C5: variants seen among roughly 807,000 people sequenced by gnomAD.
C5 encodes C3 and PZP-like alpha-2-macroglobulin domain-containing protein 4.
A neutral mutation model predicts 218.8 loss-of-function variants in C5; 140 were observed. The observed-to-expected ratio is 0.64, with a 90% CI of 0.56 to 0.74. The LOEUF (loss-of-function observed/expected upper bound fraction) is 0.74. C5 is among the 30% of genes least tolerant of loss of function. C5 has a pLI of 0.00. For synonymous variants in C5, 614 were observed against 682.3 expected (o/e 0.90, Z 1.56); for missense variants, 1,700 against 1,969.6 (o/e 0.86, Z 2.59).
intron 33 of C5, among the ~76,000 whole-genome samples, chr9:120,965,141 T>A (rs1185336934): frequency 6.6e-6 from 1 of 152,110 alleles, no homozygotes; most frequent in Non-Finnish European, 1.5e-5. Context: ...CACCTACAGG[T>A]ATGAATGTTG....
Position 121,026,910 on chromosome 9 carries a change from G to A in C5, c.873+250C>T, listed in dbSNP as rs182879578. Among the ~76,000 whole-genome samples, 560 of 152,212 alleles carry A rather than the reference G, an allele frequency of 3.7e-3. 2 individuals are homozygous for A. The highest frequency in any genetic ancestry group is 6.5e-3 in the Non-Finnish European group (443 of 68,020). On this transcript the variant is annotated intron_variant, in intron 8 of 40. Coordinates refer to ENST00000223642, the MANE Select transcript of C5 (RefSeq NM_001735.3). ...AGACCTGGAGGCAAGAGAGACTTTG[G>A]TCAGTTAGAGAAATTGGAGTGATTA...
At chr9:120,973,518 T>C (rs565456937) in intron 30 of C5, among the ~76,000 whole-genome samples, 107 of 152,336 alleles carry the variant, frequency 7.0e-4, no homozygotes, top group Non-Finnish European at 1.0e-3. Flanking sequence ...GCCATGCCAA[T>C]GCCTGGTGCT....
At chr9:120,969,443 G>A (rs1376339252) in intron 32 of C5, among the ~76,000 whole-genome samples, 1 of 152,206 alleles carries the variant, frequency 6.6e-6, no homozygotes, top group Non-Finnish European at 1.5e-5. Context: ...TAATTTGCTG[G>A]TAGTTGGGAA....
chr9:120,968,065 T>G (rs572174388), intron 33 of C5, among the ~76,000 whole-genome samples: 2 of 152,092 alleles, frequency 1.3e-5, no homozygotes, highest in Non-Finnish European at 2.9e-5. Context: ...GTGGCTGTGG[T>G]AAGCAGAATA....
At chr9:121,056,019 G>T in the C5 span, among the ~76,000 whole-genome samples, 1 of 152,234 alleles carries the variant, frequency 6.6e-6, no homozygotes, top group Admixed American at 6.5e-5. Context: ...GTCTGTAAGA[G>T]TTTCAGTGTT....
chr9:121,003,857 T>C (rs2047192317), intron 20 of C5, among the ~76,000 whole-genome samples: 1 of 152,200 alleles, frequency 6.6e-6, no homozygotes. Context: ...AAAAATTTCA[T>C]TTATCTAATG....
chr9:121,070,417 A>ATTCTG, the C5 span, among the ~76,000 whole-genome samples: 1 of 128,548 alleles, frequency 7.8e-6, no homozygotes, highest in Non-Finnish European at 1.6e-5. Flanking sequence ...ATATATATAT[A>ATTCTG]TATATATATG....
chr9:121,054,420 T>G (rs1318890718), upstream of C5, among the ~76,000 whole-genome samples: 1 of 152,034 alleles, frequency 6.6e-6, no homozygotes, highest in Non-Finnish European at 1.5e-5. Flanking sequence ...GCCAATATGG[T>G]GAAACCTCAT....
At chr9:121,002,885 G>A (rs1431187768) in intron 20 of C5, among the ~76,000 whole-genome samples, 1 of 152,118 alleles carries the variant, frequency 6.6e-6, no homozygotes, top group Non-Finnish European at 1.5e-5. Flanking sequence ...AAATGAGGGA[G>A]GGCAATTCCA....
chr9:120,972,466 C>A (rs1046852108), intron 30 of C5, among the ~76,000 whole-genome samples: 3 of 152,124 alleles, frequency 2.0e-5, no homozygotes, highest in African/African-American at 7.2e-5. Flanking sequence ...CTCCTTTGCA[C>A]CCCTTTTCCA....
chr9:121,000,241 A>T (rs2047150361), intron 20 of C5, among the ~76,000 whole-genome samples: 1 of 152,238 alleles, frequency 6.6e-6, no homozygotes, highest in African/African-American at 2.4e-5. Context: ...CCTTATATTA[A>T]TTCATAAATT....
At chr9:121,002,467 T>C (rs2047181019) in intron 20 of C5, among the ~76,000 whole-genome samples, 1 of 151,610 alleles carries the variant, frequency 6.6e-6, no homozygotes, top group East Asian at 1.9e-4. Flanking sequence ...CCATCTGTTA[T>C]GGCCACCTAT....
At chr9:120,962,370 T>C (rs2131669040) in intron 36 of C5, among the ~76,000 whole-genome samples, 1 of 152,312 alleles carries the variant, frequency 6.6e-6, no homozygotes, top group Middle Eastern at 3.4e-3. Flanking sequence ...ATATGATTTA[T>C]CTGTGAACAC....
At chr9:121,058,430 ATATATG>A in the C5 span, among the ~76,000 whole-genome samples, 1 of 152,104 alleles carries the variant, frequency 6.6e-6, no homozygotes, top group Non-Finnish European at 1.5e-5. Flanking sequence ...ATGTGTGTAT[ATATATG>A]TATATATAAA....
At chr9:121,022,190 G>C (rs774075679) in intron 10 of C5, among the ~76,000 whole-genome samples, 8 of 152,008 alleles carry the variant, frequency 5.3e-5, no homozygotes, top group Non-Finnish European at 8.8e-5. Flanking sequence ...ATTGGTTTAG[G>C]ACTGGATAAA....
intron 20 of C5, among the ~76,000 whole-genome samples, chr9:121,004,974 A>G (rs1222140001): frequency 1.4e-5 from 1 of 72,418 alleles, no homozygotes; most frequent in East Asian, 4.0e-4. Context: ...GCAGAGCGAG[A>G]CTCCGTCTTA....
intron 7 of C5, among the ~76,000 whole-genome samples, chr9:121,029,972 C>T (rs887290315): frequency 1.3e-5 from 2 of 152,124 alleles, no homozygotes; most frequent in Non-Finnish European, 2.9e-5. Flanking sequence ...CCAGCCTGGC[C>T]CAGATCAGCA....
At chr9:120,970,747 C>T (rs1191059335) in intron 31 of C5, among the ~76,000 whole-genome samples, 1 of 152,216 alleles carries the variant, frequency 6.6e-6, no homozygotes, top group Non-Finnish European at 1.5e-5. Context: ...CCCATATAAA[C>T]TTACAACAGT....
At chr9:120,987,918 G>GAGT (rs2047046171) in intron 25 of C5, among the ~76,000 whole-genome samples, 1 of 151,940 alleles carries the variant, frequency 6.6e-6, no homozygotes, top group Non-Finnish European at 1.5e-5. Context: ...TCAGCCTCCT[G>GAGT]AGTAGCTGGG....
Sources: allele counts gnomAD v4.1 joint callset (sites outside exome capture counted in the v4.1 genomes callset), GRCh38; gene constraint gnomAD v4.1.1; transcripts MANE v1.5; gene names NCBI Gene and HGNC (gene_info 2026-07-23, HGNC 2026-07-21).